The following CACNB2 variants were observed in gnomAD, a reference collection of about 807,000 sequenced individuals.
The protein encoded by CACNB2 is voltage-dependent L-type calcium channel subunit beta-2.
In CACNB2, 42 loss-of-function variants were observed where a neutral mutation model predicts 73.3. The observed-to-expected ratio is 0.57, with a 90% CI of 0.45 to 0.74. CACNB2 has a LOEUF of 0.74. CACNB2 is among the 30% of genes least tolerant of loss of function. The probability of loss-of-function intolerance (pLI) is 0.00; values close to 1 mark genes in which losing one functional copy is unlikely to be tolerated. For synonymous variants in CACNB2, 348 were observed against 310.3 expected, an observed-to-expected ratio of 1.12 and a Z score of -1.28; for missense variants, 940 against 853.0, an observed-to-expected ratio of 1.10 and a Z score of -1.27.
intron 2 of CACNB2, among the ~76,000 whole-genome samples, chr10:18,278,497 G>A (rs117750283): frequency 0.019 from 2,916 of 152,080 alleles, 47 homozygotes; most frequent in Middle Eastern, 0.041. Context: ...ATCAAGGGAT[G>A]AGAAAAGTCG....
intron 2 of CACNB2, among the ~76,000 whole-genome samples, chr10:18,335,826 TACAC>T (rs2040984042): frequency 3.8e-5 from 4 of 106,150 alleles, no homozygotes; most frequent in Non-Finnish European, 6.2e-5. Context: ...CACACACACA[TACAC>T]ACACAGTTAT....
At chr10:18,326,878 C>T (rs749659116) in intron 2 of CACNB2, among the ~76,000 whole-genome samples, 1 of 152,092 alleles carries the variant, frequency 6.6e-6, no homozygotes, top group Non-Finnish European at 1.5e-5. Context: ...AGGCATGTGC[C>T]ACCATGCCCA....
chr10:18,153,563 C>CTTATTTAT (rs57218845), intron 2 of CACNB2, among the ~76,000 whole-genome samples: 25,396 of 142,576 alleles, frequency 0.18, 2,390 homozygotes, highest in East Asian at 0.27. Flanking sequence ...CTAGATTTTA[C>CTTATTTAT]TTATTTATTT....
intron 2 of CACNB2, among the ~76,000 whole-genome samples, chr10:18,154,798 G>A (rs1045840880): frequency 3.3e-5 from 5 of 152,136 alleles, no homozygotes; most frequent in African/African-American, 2.4e-5. Context: ...AAAAGAGAAT[G>A]AGGTTGCATG....
chr10:18,537,704 GAGGCCAAGGTTGCACTGAACCAAGATC>G (rs1183917318), intron 12 of CACNB2, among the ~76,000 whole-genome samples: 1 of 145,868 alleles, frequency 6.9e-6, no homozygotes, highest in East Asian at 1.9e-4. Flanking sequence ...TTGAACCTGG[GAGGCCAAGGTTGCACTGAACCAAGATC>G]AGGCCACTGC....
chr10:18,532,753 A>G (rs2053192928), intron 10 of CACNB2, among the ~76,000 whole-genome samples: 1 of 151,994 alleles, frequency 6.6e-6, no homozygotes, highest in Non-Finnish European at 1.5e-5. Flanking sequence ...TTAAACTTGT[A>G]CTACTCAAAC....
At chr10:18,396,285 C>T (rs1302212111) in intron 2 of CACNB2, among the ~76,000 whole-genome samples, 2 of 152,048 alleles carry the variant, frequency 1.3e-5, no homozygotes, top group African/African-American at 4.8e-5. Flanking sequence ...ATGAAGAAAC[C>T]AGTAAAGCAG....
chr10:18,378,800 T>A (rs1023468713), intron 2 of CACNB2, among the ~76,000 whole-genome samples: 2 of 152,154 alleles, frequency 1.3e-5, no homozygotes, highest in African/African-American at 4.8e-5. Flanking sequence ...AAATCAGCCA[T>A]TCACAGGTCA....
chr10:18,163,005 C>G (rs1251845661), intron 2 of CACNB2, among the ~76,000 whole-genome samples: 3 of 152,048 alleles, frequency 2.0e-5, no homozygotes, highest in Non-Finnish European at 4.4e-5. Context: ...AGTTTGGAAG[C>G]TTACAAGGGC....
rs1166083814 is a variant in CACNB2 at position 18,536,256 on chromosome 10, TTTTTTTTTTTTTTTTTTGG to T, written c.1302+61_1302+79del. ...CAGAGATCAGACCTTTTTTTTTTTT[TTTTTTTTTTTTTTTTTTGG>T]GGGACAAGGTCTTGCTCTGTTGCCC... On this transcript the variant is annotated intron_variant, in intron 12 of 13. Transcript: ENST00000324631. 485 of 654,940 alleles carry T rather than the reference TTTTTTTTTTTTTTTTTTGG, an allele frequency of 7.4e-4. 1 individual carries two copies. The East Asian group carries it at 0.017, about 23-fold the overall frequency. 40.6% of individuals were successfully genotyped at this position (654,940 alleles called of 1,614,324 possible). A position where few individuals can be genotyped will look rare whatever the true frequency, so the allele number is the denominator to read the frequency against.
chr10:18,514,025 CAG>C (rs1315575769), intron 6 of CACNB2, among the ~76,000 whole-genome samples: 1 of 152,202 alleles, frequency 6.6e-6, no homozygotes, highest in African/African-American at 2.4e-5. Flanking sequence ...TTCAAGCAAA[CAG>C]ATTATAAGTG....
chr10:18,432,840 AAACAAAC>A (rs1459490904), intron 3 of CACNB2, among the ~76,000 whole-genome samples: 3 of 73,032 alleles, frequency 4.1e-5, no homozygotes, highest in Non-Finnish European at 7.4e-5. Flanking sequence ...CTAAAAAAAC[AAACAAAC>A]AAACAAACAA....
rs570148054 is a variant in CACNB2 at position 18,382,347 on chromosome 10, C to T, written c.214-19577C>T. On this transcript the variant is annotated intron_variant, in intron 2 of 13. Coordinates refer to ENST00000324631, the MANE Select transcript of CACNB2 (RefSeq NM_201596.3). ...ATCTTTCTTTGTATTGAGTATTCTT[C>T]GGTGAGTTAGCTCAGTGCCTCTTTT... Among the ~76,000 whole-genome samples, 28 of 151,228 alleles carry T rather than the reference C, an allele frequency of 1.9e-4. No individual in the cohort carries two copies. In the South Asian group the frequency reaches 5.2e-3, roughly 28 times the overall value.
intron 2 of CACNB2, among the ~76,000 whole-genome samples, chr10:18,382,323 T>C (rs1293201879): frequency 6.6e-6 from 1 of 152,046 alleles, no homozygotes; most frequent in Non-Finnish European, 1.5e-5. Context: ...GACAGTTGTA[T>C]CTTTCTTTGT....
At chr10:18,184,187 C>T (rs2034032383) in intron 2 of CACNB2, among the ~76,000 whole-genome samples, 1 of 152,162 alleles carries the variant, frequency 6.6e-6, no homozygotes, top group South Asian at 2.1e-4. Flanking sequence ...AGTTTATACT[C>T]ATTGAACTTT....
chr10:18,412,744 G>A (rs1206817786), intron 3 of CACNB2, among the ~76,000 whole-genome samples: 3 of 152,168 alleles, frequency 2.0e-5, no homozygotes, highest in Admixed American at 6.5e-5. Context: ...CTGAAATGTG[G>A]AAGTCCATTC....
chr10:18,514,593 A>T, intron 7 of CACNB2: 2 of 1,542,694 alleles, frequency 1.3e-6, no homozygotes, highest in Non-Finnish European at 1.8e-6. Flanking sequence ...ATTAATTCCC[A>T]CAGTTGTATT....
At chr10:18,270,320 G>A (rs954262436) in intron 2 of CACNB2, among the ~76,000 whole-genome samples, 3 of 152,118 alleles carry the variant, frequency 2.0e-5, no homozygotes, top group Non-Finnish European at 2.9e-5. Context: ...CGACAAGGGG[G>A]GATTATGGGG....
At chr10:18,349,804 T>C (rs1357273815) in intron 2 of CACNB2, among the ~76,000 whole-genome samples, 1 of 152,170 alleles carries the variant, frequency 6.6e-6, no homozygotes, top group Non-Finnish European at 1.5e-5. Flanking sequence ...GCCATTGAAC[T>C]GTATGCTTAA....
Sources: allele counts gnomAD v4.1 joint callset (sites outside exome capture counted in the v4.1 genomes callset), GRCh38; gene constraint gnomAD v4.1.1; transcripts MANE v1.5; gene names NCBI Gene and HGNC (gene_info 2026-07-23, HGNC 2026-07-21).